Variants in PDE4D observed in about 807,000 individuals in gnomAD.
The protein encoded by PDE4D is phosphodiesterase 4D, also known as 3',5'-cyclic-AMP phosphodiesterase 4D.
In PDE4D, 24 loss-of-function variants were observed where a neutral mutation model predicts 87.4. The observed-to-expected ratio is 0.27, with a 90% CI of 0.20 to 0.39. The LOEUF (loss-of-function observed/expected upper bound fraction) is 0.39, where lower values mean the gene tolerates loss of function less well. PDE4D is among the 10% of genes least tolerant of loss of function. The pLI is 1.00. For synonymous variants in PDE4D, 384 were observed against 383.2 expected, an observed-to-expected ratio of 1.00 and a Z score of -0.02; for missense variants, 714 against 1,041.0, an observed-to-expected ratio of 0.69 and a Z score of 4.32.
chr5:59,942,337 C>A (rs1757274902), intron 3 of PDE4D, among the ~76,000 whole-genome samples: 1 of 152,188 alleles, frequency 6.6e-6, no homozygotes, highest in Non-Finnish European at 1.5e-5. Context: ...GTAGGCTCTT[C>A]CCATGTGACT....
chr5:60,318,504 T>C (rs561608835), intron 1 of PDE4D, among the ~76,000 whole-genome samples: 6 of 152,354 alleles, frequency 3.9e-5, no homozygotes, highest in South Asian at 4.1e-4. Flanking sequence ...AATATTGTTA[T>C]GTGTGAATTT....
chr5:59,043,447 C>T (rs569242054), intron 5 of PDE4D, among the ~76,000 whole-genome samples: 33 of 152,160 alleles, frequency 2.2e-4, no homozygotes, highest in Admixed American at 8.5e-4. Context: ...GGCGTGAACC[C>T]GGCAGGCAGA....
chr5:60,005,705 T>C (rs1378368676), intron 2 of PDE4D, among the ~76,000 whole-genome samples: 2 of 152,116 alleles, frequency 1.3e-5, no homozygotes, highest in African/African-American at 4.8e-5. Flanking sequence ...ACATTAGTCA[T>C]TTATCAAGCC....
chr5:60,187,985 G>T (rs957367756), intron 1 of PDE4D, among the ~76,000 whole-genome samples: 49 of 152,258 alleles, frequency 3.2e-4, no homozygotes, highest in Admixed American at 1.2e-3. Context: ...CTCATAGGAG[G>T]TATTTGGGTC....
intron 1 of PDE4D, among the ~76,000 whole-genome samples, chr5:60,188,001 A>G (rs912972052): frequency 2.0e-5 from 3 of 152,172 alleles, no homozygotes; most frequent in African/African-American, 7.2e-5. Context: ...GGGTCTCACC[A>G]TCATCATATC....
chr5:60,195,503 T>C (rs913117251), intron 1 of PDE4D, among the ~76,000 whole-genome samples: 3 of 151,836 alleles, frequency 2.0e-5, no homozygotes, highest in African/African-American at 7.2e-5. Flanking sequence ...TTGTAGTTTA[T>C]GTCCATATAA....
chr5:60,107,147 T>A (rs1429171213), intron 2 of PDE4D, among the ~76,000 whole-genome samples: 6 of 151,986 alleles, frequency 3.9e-5, no homozygotes, highest in East Asian at 1.9e-4. Flanking sequence ...AAGAATCAAA[T>A]AGATGCAATA....
At chr5:58,996,409 G>A (rs935718366) in intron 6 of PDE4D, among the ~76,000 whole-genome samples, 1 of 152,138 alleles carries the variant, frequency 6.6e-6, no homozygotes, top group African/African-American at 2.4e-5. Context: ...ATATCTCTTT[G>A]ACCTAAAATT....
chr5:59,160,555 G>C (rs1434557127), intron 5 of PDE4D, among the ~76,000 whole-genome samples: 1 of 151,970 alleles, frequency 6.6e-6, no homozygotes, highest in Non-Finnish European at 1.5e-5. Context: ...CGCTGCCCAG[G>C]CTAGTCTGGA....
intron 1 of PDE4D, among the ~76,000 whole-genome samples, chr5:59,654,146 C>T (rs984795597): frequency 1.1e-4 from 17 of 151,974 alleles, no homozygotes; most frequent in African/African-American, 4.1e-4. Context: ...GCGGAGGTTG[C>T]AGTGAGCTGA....
At chr5:59,146,064 T>C (rs1371540794) in intron 5 of PDE4D, among the ~76,000 whole-genome samples, 1 of 151,984 alleles carries the variant, frequency 6.6e-6, no homozygotes, top group Non-Finnish European at 1.5e-5. Context: ...GAGGTGGAGG[T>C]TGCAGTGAGC....
chr5:59,732,190 T>C (rs1757452954), intron 1 of PDE4D, among the ~76,000 whole-genome samples: 1 of 152,164 alleles, frequency 6.6e-6, no homozygotes, highest in Non-Finnish European at 1.5e-5. Flanking sequence ...TATAGTTCTC[T>C]TGTAATTCAT....
At chr5:60,215,568 G>C (rs1191505156) in intron 1 of PDE4D, among the ~76,000 whole-genome samples, 1 of 152,044 alleles carries the variant, frequency 6.6e-6, no homozygotes. Flanking sequence ...TTAATTGAAA[G>C]TTTCCCTAAT....
intron 1 of PDE4D, among the ~76,000 whole-genome samples, chr5:60,469,006 T>C (rs1370798279): frequency 6.6e-6 from 1 of 152,184 alleles, no homozygotes; most frequent in Non-Finnish European, 1.5e-5. Flanking sequence ...AGACAGATCA[T>C]TTCTTTACCC....
chr5:60,293,089 T>C (rs1010115114), intron 1 of PDE4D, among the ~76,000 whole-genome samples: 4 of 151,250 alleles, frequency 2.6e-5, no homozygotes, highest in Non-Finnish European at 5.9e-5. Context: ...CACTGAAACC[T>C]CTGCCCCCCC....
chr5:59,560,099 G>A (rs41404047), intron 1 of PDE4D, among the ~76,000 whole-genome samples: 16,868 of 152,242 alleles, frequency 0.11, 1,068 homozygotes, highest in Admixed American at 0.17. Flanking sequence ...GCACCAGAGG[G>A]CTTGGCAGTG....
chr5:60,253,924 G>A (rs1464683902), intron 1 of PDE4D, among the ~76,000 whole-genome samples: 1 of 151,898 alleles, frequency 6.6e-6, no homozygotes, highest in Non-Finnish European at 1.5e-5. Context: ...ACTATGTGGT[G>A]TGATAAATTG....
chr5:59,265,061 G>T (rs992167303), intron 1 of PDE4D, among the ~76,000 whole-genome samples: 3 of 152,006 alleles, frequency 2.0e-5, no homozygotes, highest in Non-Finnish European at 4.4e-5. Context: ...ATGCACCTTA[G>T]GACTAGAAGA....
At chr5:59,457,717 C>T (rs533295121) in intron 1 of PDE4D, among the ~76,000 whole-genome samples, 1 of 151,914 alleles carries the variant, frequency 6.6e-6, no homozygotes, top group East Asian at 1.9e-4. Flanking sequence ...ATGGTGAAAC[C>T]CCATCTCAAG....
Sources: allele counts gnomAD v4.1 joint callset (sites outside exome capture counted in the v4.1 genomes callset), GRCh38; gene constraint gnomAD v4.1.1; transcripts MANE v1.5; gene names NCBI Gene and HGNC (gene_info 2026-07-23, HGNC 2026-07-21).